The following FHIT variants were observed in gnomAD, a reference collection of about 807,000 sequenced individuals.
FHIT encodes fragile histidine triad diadenosine triphosphatase.
A neutral mutation model predicts 17.9 loss-of-function variants in FHIT; 19 were observed. The observed-to-expected ratio is 1.06, with a 90% CI of 0.74 to 1.56. The LOEUF is 1.56. Among genes scored for constraint, FHIT ranks in the 40% most tolerant of loss-of-function variants. The probability of loss-of-function intolerance (pLI) is 0.00; values close to 1 mark genes in which losing one functional copy is unlikely to be tolerated. For missense variants in FHIT, 248 were observed against 189.2 expected, an observed-to-expected ratio of 1.31 and a Z score of -1.82; for synonymous variants, 81 against 69.7, an observed-to-expected ratio of 1.16 and a Z score of -0.81.
chr3:59,756,810 C>G (rs1310909020), intron 8 of FHIT, among the ~76,000 whole-genome samples: 2 of 152,120 alleles, frequency 1.3e-5, no homozygotes, highest in Non-Finnish European at 2.9e-5. Context: ...ATTGCATGGT[C>G]TTATTGCACG....
chr3:60,509,541 T>C (rs2121866), intron 5 of FHIT, among the ~76,000 whole-genome samples: 56,471 of 152,040 alleles, frequency 0.37, 10,707 homozygotes, highest in Admixed American at 0.45. Context: ...ATGGAATTTG[T>C]AAAAAGCCCA....
intron 8 of FHIT, among the ~76,000 whole-genome samples, chr3:59,868,989 T>G (rs774778793): frequency 1.3e-5 from 2 of 152,174 alleles, no homozygotes; most frequent in African/African-American, 4.8e-5. Flanking sequence ...CCTGGTTACA[T>G]TCCCATCCTG....
intron 5 of FHIT, among the ~76,000 whole-genome samples, chr3:60,163,839 C>A (rs1483532259): frequency 6.6e-6 from 1 of 152,202 alleles, no homozygotes; most frequent in African/African-American, 2.4e-5. Flanking sequence ...GACAAAATCA[C>A]TCCTAGTTGG....
intron 3 of FHIT, among the ~76,000 whole-genome samples, chr3:60,894,144 G>A (rs28626240): frequency 0.018 from 2,800 of 152,202 alleles, 75 homozygotes; most frequent in African/African-American, 0.062. Context: ...GGTTTATCTG[G>A]CATCTGAAAC....
chr3:59,926,517 T>C (rs539567230), intron 7 of FHIT, among the ~76,000 whole-genome samples: 17 of 152,176 alleles, frequency 1.1e-4, no homozygotes, highest in Non-Finnish European at 2.1e-4. Context: ...TACTGAGCAC[T>C]GGGCCACTCT....
chr3:60,311,520 T>G (rs961436740), intron 5 of FHIT, among the ~76,000 whole-genome samples: 1 of 152,244 alleles, frequency 6.6e-6, no homozygotes, highest in Admixed American at 6.5e-5. Context: ...CTGCTTAATA[T>G]TCTGAGTGTA....
chr3:60,146,259 A>AC, intron 5 of FHIT, among the ~76,000 whole-genome samples: 1 of 149,782 alleles, frequency 6.7e-6, no homozygotes, highest in South Asian at 2.1e-4. Flanking sequence ...TAAAAAAAAA[A>AC]AGGGCAGGGG....
At chr3:59,855,632 C>A (rs1174803074) in intron 8 of FHIT, among the ~76,000 whole-genome samples, 1 of 151,720 alleles carries the variant, frequency 6.6e-6, no homozygotes, top group East Asian at 1.9e-4. Flanking sequence ...CTTAAGTATA[C>A]AAAAACTGAA....
intron 4 of FHIT, among the ~76,000 whole-genome samples, chr3:60,741,159 C>T (rs1276457540): frequency 6.6e-6 from 1 of 152,200 alleles, no homozygotes; most frequent in Non-Finnish European, 1.5e-5. Flanking sequence ...AAGAATCCAC[C>T]TGTTTTTGCA....
chr3:61,170,388 T>G (rs1242433036), intron 2 of FHIT, among the ~76,000 whole-genome samples: 1 of 152,216 alleles, frequency 6.6e-6, no homozygotes, highest in Non-Finnish European at 1.5e-5. Context: ...TTAACCTTTA[T>G]TTTAACTTCA....
chr3:61,016,902 G>T (rs2032141960), intron 3 of FHIT, among the ~76,000 whole-genome samples: 1 of 152,336 alleles, frequency 6.6e-6, no homozygotes, highest in Non-Finnish European at 1.5e-5. Flanking sequence ...ATATGTCCAG[G>T]TTTCTCCACA....
chr3:60,533,640 G>C (rs1210589647), intron 5 of FHIT, among the ~76,000 whole-genome samples: 2 of 152,068 alleles, frequency 1.3e-5, no homozygotes, highest in African/African-American at 4.8e-5. Context: ...AGTTATCAAA[G>C]CACTTCAGAT....
intron 4 of FHIT, among the ~76,000 whole-genome samples, chr3:60,784,655 A>G (rs936663060): frequency 2.0e-5 from 3 of 152,162 alleles, no homozygotes; most frequent in African/African-American, 7.2e-5. Context: ...GCTCTGATAA[A>G]TGTTTCTTCC....
chr3:61,150,434 G>A (rs1299135195), intron 2 of FHIT, among the ~76,000 whole-genome samples: 1 of 151,888 alleles, frequency 6.6e-6, no homozygotes. Context: ...GCCTCCCAAA[G>A]TGCTAGGATT....
At chr3:61,083,434 C>CA (rs1307655186) in intron 2 of FHIT, among the ~76,000 whole-genome samples, 1 of 152,110 alleles carries the variant, frequency 6.6e-6, no homozygotes, top group Non-Finnish European at 1.5e-5. Flanking sequence ...ACTAAAAATA[C>CA]AAAAAATTAG....
chr3:60,630,450 C>T (rs2039408857), intron 4 of FHIT, among the ~76,000 whole-genome samples: 1 of 152,142 alleles, frequency 6.6e-6, no homozygotes, highest in African/African-American at 2.4e-5. Flanking sequence ...CCACTCTTTC[C>T]AAAGCAATCA....
intron 8 of FHIT, among the ~76,000 whole-genome samples, chr3:59,883,320 G>A (rs1011741758): frequency 6.6e-6 from 1 of 152,144 alleles, no homozygotes; most frequent in Non-Finnish European, 1.5e-5. Flanking sequence ...AGACACACCT[G>A]AGACTGGGTA....
At chr3:60,449,614 A>T (rs1398629981) in intron 5 of FHIT, among the ~76,000 whole-genome samples, 1 of 152,094 alleles carries the variant, frequency 6.6e-6, no homozygotes, top group Non-Finnish European at 1.5e-5. Context: ...CTAGATACAA[A>T]CATGTATAGC....
chr3:61,032,141 A>T (rs1255817266), intron 3 of FHIT, among the ~76,000 whole-genome samples: 3 of 152,226 alleles, frequency 2.0e-5, no homozygotes, highest in Non-Finnish European at 4.4e-5. Context: ...TCCTTCATTC[A>T]TTCAACAAAT....
Sources: gnomAD v4.1 joint callset for allele counts (sites outside exome capture counted in the v4.1 genomes callset) on GRCh38, gnomAD v4.1.1 for gene constraint, MANE v1.5 for transcripts, NCBI Gene and HGNC (gene_info 2026-07-23, HGNC 2026-07-21) for gene names.